The following SCFD2 variants were observed in gnomAD, a reference collection of about 807,000 sequenced individuals.
The protein encoded by SCFD2 is sec1 family domain containing 2, also known as sec1 family domain-containing protein 2.
SCFD2 carries 54 observed loss-of-function variants against 58.9 expected under a neutral mutation model. That is an observed-to-expected ratio of 0.92 (90% CI 0.74 to 1.15). The LOEUF (loss-of-function observed/expected upper bound fraction) is 1.15, where lower values mean the gene tolerates loss of function less well. Ranked by LOEUF, SCFD2 falls within the 50% of genes most tolerant of loss-of-function variation. The pLI is 0.00. For missense variants in SCFD2, 805 were observed against 836.6 expected (o/e 0.96, Z 0.47); for synonymous variants, 321 against 335.9 (o/e 0.96, Z 0.49).
intron 5 of SCFD2, among the ~76,000 whole-genome samples, chr4:52,992,819 G>A (rs1721650046): frequency 6.6e-6 from 1 of 151,788 alleles, no homozygotes; most frequent in African/African-American, 2.4e-5. Context: ...AGGGAGGTGG[G>A]GGATGCCTCT....
chr4:53,180,723 T>C (rs900986886), intron 4 of SCFD2, among the ~76,000 whole-genome samples: 25 of 151,980 alleles, frequency 1.6e-4, no homozygotes, highest in African/African-American at 5.3e-4. Flanking sequence ...GCTGGTTTTT[T>C]GAAAAGATCA....
chr4:53,226,430 TATC>T (rs1417592076), intron 4 of SCFD2, among the ~76,000 whole-genome samples: 1 of 152,116 alleles, frequency 6.6e-6, no homozygotes, highest in Admixed American at 6.5e-5. Flanking sequence ...TGATAAGTAT[TATC>T]ATATGGGCTG....
intron 8 of SCFD2, among the ~76,000 whole-genome samples, chr4:52,879,660 G>A (rs1036355656): frequency 3.9e-5 from 6 of 152,188 alleles, no homozygotes; most frequent in African/African-American, 1.4e-4. Flanking sequence ...TCTCAGGCCT[G>A]CCCTGAACTC....
chr4:53,020,250 G>A (rs1425224796), intron 5 of SCFD2, among the ~76,000 whole-genome samples: 1 of 152,178 alleles, frequency 6.6e-6, no homozygotes, highest in Non-Finnish European at 1.5e-5. Flanking sequence ...ACATTAATTA[G>A]ATGATGCCTT....
At chr4:52,999,159 C>T (rs1314447736) in intron 5 of SCFD2, among the ~76,000 whole-genome samples, 1 of 152,184 alleles carries the variant, frequency 6.6e-6, no homozygotes, top group Non-Finnish European at 1.5e-5. Flanking sequence ...TGGGCACCTG[C>T]TTTAACAGAT....
At chr4:53,335,194 CAAAAAAAAAAA>C (rs56344451) in intron 2 of SCFD2, among the ~76,000 whole-genome samples, 3 of 80,610 alleles carry the variant, frequency 3.7e-5, no homozygotes, top group East Asian at 8.0e-4. Flanking sequence ...GACTCCGTCT[CAAAAAAAAAAA>C]AAAAAAAACA....
intron 8 of SCFD2, among the ~76,000 whole-genome samples, chr4:52,885,035 T>A (rs897663359): frequency 3.3e-5 from 5 of 152,172 alleles, no homozygotes; most frequent in African/African-American, 9.7e-5. Flanking sequence ...GGATTGGAAC[T>A]TGGGCCCATA....
chr4:53,229,292 A>G (rs1315965509), intron 4 of SCFD2, among the ~76,000 whole-genome samples: 7 of 152,214 alleles, frequency 4.6e-5, no homozygotes, highest in Non-Finnish European at 7.3e-5. Context: ...TATGGAACCA[A>G]AAAAGAGCCC....
intron 5 of SCFD2, among the ~76,000 whole-genome samples, chr4:53,001,527 G>A (rs1721865761): frequency 6.6e-6 from 1 of 152,138 alleles, no homozygotes; most frequent in African/African-American, 2.4e-5. Context: ...ATGTTGCATG[G>A]CGACAATGCT....
intron 5 of SCFD2, among the ~76,000 whole-genome samples, chr4:53,089,830 T>C (rs1043312603): frequency 6.6e-6 from 1 of 152,214 alleles, no homozygotes; most frequent in Non-Finnish European, 1.5e-5. Flanking sequence ...TAAATGCTAA[T>C]ATTATTAATT....
chr4:53,286,274 G>C (rs933653174), intron 3 of SCFD2, among the ~76,000 whole-genome samples: 3 of 152,100 alleles, frequency 2.0e-5, no homozygotes, highest in African/African-American at 7.2e-5. Flanking sequence ...CTGGTGCCTT[G>C]ACCCCCAGAA....
intron 7 of SCFD2, among the ~76,000 whole-genome samples, chr4:52,901,214 C>A (rs1044243710): frequency 1.3e-5 from 2 of 152,206 alleles, no homozygotes; most frequent in Non-Finnish European, 2.9e-5. Context: ...AATGCAGAAA[C>A]CACCCATCTT....
intron 5 of SCFD2, among the ~76,000 whole-genome samples, chr4:53,062,326 C>T (rs1329355163): frequency 6.6e-6 from 1 of 151,600 alleles, no homozygotes; most frequent in East Asian, 1.9e-4. Context: ...GAGCTGAGAT[C>T]GTGCCACTGC....
chr4:53,296,903 G>C (rs900540956), intron 3 of SCFD2, among the ~76,000 whole-genome samples: 2 of 152,180 alleles, frequency 1.3e-5, no homozygotes, highest in African/African-American at 4.8e-5. Flanking sequence ...TTACCCAGTA[G>C]TCATTCAGGA....
At chr4:53,036,180 G>C (rs1046362997) in intron 5 of SCFD2, among the ~76,000 whole-genome samples, 14 of 151,822 alleles carry the variant, frequency 9.2e-5, no homozygotes, top group Non-Finnish European at 2.9e-5. Context: ...ATTTACATTA[G>C]GTATTTCTCC....
At position 53,145,402 on chromosome 4, in the gene SCFD2, CT is replaced by C. The variant is rs777457170; in HGVS notation, c.1491del (p.Val498SerfsTer31). The part of the protein sequence containing the change: ...VDKDLCEAEE[K>X]VKKALAQVFC... ...AAGACCTGAGCCAATGCTTTCTTGA[CT>C]TTTTCTTCTGCTTCACACAGGTCTT... On this transcript the variant is annotated frameshift_variant, in exon 5 of 9. Coordinates refer to ENST00000401642, the MANE Select transcript of SCFD2 (RefSeq NM_152540.4). LOFTEE classifies it high-confidence loss of function. 1 of 1,614,156 alleles carries C rather than the reference CT, an allele frequency of 6.2e-7. No individual in the cohort carries two copies. The highest frequency in any genetic ancestry group is 2.2e-5 in the East Asian group (1 of 44,882).
chr4:53,023,256 T>C (rs1722393110), intron 5 of SCFD2, among the ~76,000 whole-genome samples: 1 of 152,172 alleles, frequency 6.6e-6, no homozygotes, highest in African/African-American at 2.4e-5. Context: ...AAGATGAATA[T>C]TGCTAAGATG....
At chr4:53,001,270 G>A (rs1238570140) in intron 5 of SCFD2, among the ~76,000 whole-genome samples, 2 of 152,170 alleles carry the variant, frequency 1.3e-5, no homozygotes, top group Non-Finnish European at 2.9e-5. Flanking sequence ...GTAAATTGTT[G>A]TTCTTTCTAC....
chr4:53,322,454 A>T (rs1049522548), intron 2 of SCFD2, among the ~76,000 whole-genome samples: 1 of 152,216 alleles, frequency 6.6e-6, no homozygotes, highest in African/African-American at 2.4e-5. Flanking sequence ...AACGGACTAG[A>T]TAACAACGTA....
Sources: allele counts gnomAD v4.1 joint callset (sites outside exome capture counted in the v4.1 genomes callset), GRCh38; gene constraint gnomAD v4.1.1; transcripts MANE v1.5; gene names NCBI Gene and HGNC (gene_info 2026-07-23, HGNC 2026-07-21).